The following KLHL29 variants were observed in gnomAD, a reference collection of about 807,000 sequenced individuals.
KLHL29 encodes kelch like family member 29.
In KLHL29, 21 loss-of-function variants were observed where a neutral mutation model predicts 80.4. The ratio of observed to expected loss-of-function variants is 0.26; its 90% CI spans 0.19 to 0.38. The LOEUF (loss-of-function observed/expected upper bound fraction) is 0.38, where lower values mean the gene tolerates loss of function less well. Ranked by LOEUF, KLHL29 falls within the 10% of genes least tolerant of loss-of-function variation. KLHL29 has a pLI of 1.00. For missense variants in KLHL29, 867 were observed against 1,223.9 expected (o/e 0.71, Z 4.35); for synonymous variants, 511 against 526.8 (o/e 0.97, Z 0.41).
intron 1 of KLHL29, among the ~76,000 whole-genome samples, chr2:23,403,012 A>G (rs1572484469): frequency 2.0e-5 from 3 of 150,290 alleles, no homozygotes; most frequent in Admixed American, 1.3e-4. Flanking sequence ...GTACTATACT[A>G]TATATATAGT....
rs572570213 is a variant in KLHL29 at position 23,580,968 on chromosome 2, C to T, written c.285+18487C>T. 2.6e-5 allele frequency among the ~76,000 whole-genome samples: 4 copies of T among 152,332 alleles called. No homozygotes were observed. In the East Asian group the frequency reaches 7.7e-4, roughly 29 times the overall value. On this transcript the variant is annotated intron_variant, in intron 3 of 13. Transcript: ENST00000486442. Reference sequence around the variant, plus strand: ...ACTCCAGCCTGGTGACACAGCAAGACTGTGTCTCAAAAAATTAAAAATAAA... The same window carrying T: ...ACTCCAGCCTGGTGACACAGCAAGATTGTGTCTCAAAAAATTAAAAATAAA...
chr2:23,459,926 C>T lies in KLHL29; in HGVS notation c.-153-15634C>T, dbSNP rs574377434. On this transcript the variant is annotated intron_variant, in intron 1 of 13. Transcript: ENST00000486442. Reference sequence around the variant, plus strand: ...GGAGGTGAGGAAGTTGACAGGAGGCCTAGGCAGCCTTTCCAGAAGTTTCAC... The same window carrying T: ...GGAGGTGAGGAAGTTGACAGGAGGCTTAGGCAGCCTTTCCAGAAGTTTCAC... 9.2e-5 allele frequency among the ~76,000 whole-genome samples: 14 copies of T among 152,270 alleles called. No individual in the cohort carries two copies. The South Asian group carries it at 2.9e-3, about 32-fold the overall frequency.
In KLHL29 at chr2:23,669,433, C is replaced by T. The variant is rs924249553; in HGVS notation, c.941-14966C>T. ...CACCCTCCTCTTCCAGGCTCCCACGCAGCCTCCGTTTCCCTTCCACACAGT... is the reference window on the plus strand; with the variant it reads ...CACCCTCCTCTTCCAGGCTCCCACGTAGCCTCCGTTTCCCTTCCACACAGT... On this transcript the variant is annotated intron_variant, in intron 5 of 13. Transcript: ENST00000486442. The surrounding 1 kb of genome is among the most constrained non-coding windows in gnomAD (Gnocchi z 4.3). 2 of 152,442 alleles carry T rather than the reference C, an allele frequency of 1.3e-5. No homozygotes were observed. Among genetic ancestry groups the T allele is most frequent in the Non-Finnish European group, 2.9e-5 (2 of 68,124 alleles). 9.4% of individuals were successfully genotyped at this position (152,442 alleles called of 1,614,324 possible). A position where few individuals can be genotyped will look rare whatever the true frequency, so the allele number is the denominator to read the frequency against.
intron 3 of KLHL29, among the ~76,000 whole-genome samples, chr2:23,577,610 TGGTGTTG>T (rs1667875515): frequency 6.6e-6 from 1 of 151,892 alleles, no homozygotes; most frequent in African/African-American, 2.4e-5. Context: ...TAGCTGGGCG[TGGTGTTG>T]GGCACCTGTA....
intron 4 of KLHL29, 41 bp from the exon 5 acceptor site, chr2:23,642,297 A>G (rs1298167699): frequency 3.6e-6 from 5 of 1,392,074 alleles, no homozygotes; most frequent in Non-Finnish European, 4.7e-6. Flanking sequence ...GTTGAATGAA[A>G]ATGTAACCGG....
At chr2:23,623,515 A>G (rs1039897670) in intron 3 of KLHL29, among the ~76,000 whole-genome samples, 9 of 152,124 alleles carry the variant, frequency 5.9e-5, no homozygotes, top group Non-Finnish European at 1.2e-4. Flanking sequence ...GATTTAGGAA[A>G]ATGTATCTGG....
In KLHL29 at chr2:23,695,479, TC is replaced by T; in HGVS notation, c.1543-143del. On this transcript the variant is annotated intron_variant, in intron 8 of 13. Coordinates refer to ENST00000486442, the MANE Select transcript of KLHL29 (RefSeq NM_052920.2). The surrounding 1 kb of genome is among the most constrained non-coding windows in gnomAD (Gnocchi z 7.6). The stretch of plus-strand genomic sequence containing the variant: ...CTGACTAGACTTCCCTTCACCTCTG[TC>T]TAGGCTAGCAGAGTATCTACACTCC... The T allele has an allele frequency of 1.5e-6, 1 of 653,708 alleles. No individual in the cohort carries two copies. The highest frequency in any genetic ancestry group is 2.6e-6 in the Non-Finnish European group (1 of 388,346). 40.5% of individuals were successfully genotyped at this position (653,708 alleles called of 1,614,324 possible).
intron 2 of KLHL29, among the ~76,000 whole-genome samples, chr2:23,537,417 TAC>T (rs5741924): frequency 0.023 from 3,449 of 148,918 alleles, 48 homozygotes; most frequent in Non-Finnish European, 0.031. Context: ...GGGCAGAAAC[TAC>T]ACACACACAC....
chr2:23,551,149 G>C (rs1667112428), intron 2 of KLHL29, among the ~76,000 whole-genome samples: 1 of 152,228 alleles, frequency 6.6e-6, no homozygotes, highest in South Asian at 2.1e-4. Flanking sequence ...CATCGATCCT[G>C]ATGTTTACAA....
intron 5 of KLHL29, among the ~76,000 whole-genome samples, chr2:23,679,733 G>T (rs1671023564): frequency 6.6e-6 from 1 of 152,232 alleles, no homozygotes; most frequent in African/African-American, 2.4e-5. Context: ...TATCGATAAA[G>T]AAGTGAGCAC....
chr2:23,499,326 A>C (rs1394745918), intron 2 of KLHL29, among the ~76,000 whole-genome samples: 4 of 152,072 alleles, frequency 2.6e-5, no homozygotes, highest in African/African-American at 9.7e-5. Context: ...CTGGAGAGGA[A>C]ATTGAGGGGC....
rs118187753 is a variant in KLHL29, at chr2:23,591,641, G to A, written c.285+29160G>A. 3.7e-4 allele frequency among the ~76,000 whole-genome samples: 56 copies of A among 152,210 alleles called. 1 individual carries two copies. In the East Asian group the frequency reaches 9.5e-3, roughly 26 times the overall value. Reference sequence around the variant, plus strand: ...CTGTCACTGCGTCTGCTCGGCCACCGTGCTGGCCAAGGTCCTCGCCCGGTC... The same window carrying A: ...CTGTCACTGCGTCTGCTCGGCCACCATGCTGGCCAAGGTCCTCGCCCGGTC... On this transcript the variant is annotated intron_variant, in intron 3 of 13. Transcript: ENST00000486442.
intron 2 of KLHL29, among the ~76,000 whole-genome samples, chr2:23,489,241 G>T (rs1665024981): frequency 6.6e-6 from 1 of 152,136 alleles, no homozygotes; most frequent in South Asian, 2.1e-4. Flanking sequence ...GGTGCTGAGT[G>T]ATGTGCTGGG....
chr2:23,566,920 C>G (rs956401374), intron 3 of KLHL29, among the ~76,000 whole-genome samples: 4 of 152,204 alleles, frequency 2.6e-5, no homozygotes, highest in African/African-American at 7.2e-5. Flanking sequence ...ACCTGTCCCC[C>G]CCTGGTGGTT....
chr2:23,551,357 T>C (rs1203938513), intron 2 of KLHL29, among the ~76,000 whole-genome samples: 1 of 151,888 alleles, frequency 6.6e-6, no homozygotes, highest in Non-Finnish European at 1.5e-5. Flanking sequence ...GAAAAAAAAA[T>C]CACTACATCA....
intron 5 of KLHL29, among the ~76,000 whole-genome samples, chr2:23,646,145 T>C (rs1050340785): frequency 1.3e-5 from 2 of 152,200 alleles, no homozygotes; most frequent in Non-Finnish European, 1.5e-5. Context: ...ATTTGAATCC[T>C]GTTATGAAGT....
At chr2:23,425,736 G>A (rs529040971) in intron 1 of KLHL29, among the ~76,000 whole-genome samples, 21 of 152,332 alleles carry the variant, frequency 1.4e-4, no homozygotes, top group Admixed American at 4.6e-4. Context: ...ACTGGGTGCA[G>A]GCGACATCAT....
At position 23,680,070 on chromosome 2, in the gene KLHL29, GGAT is replaced by G. The variant is rs1407821695; in HGVS notation, c.941-4327_941-4325del. 6.6e-6 allele frequency among the ~76,000 whole-genome samples: 1 copy of G among 152,194 alleles called. No homozygotes were observed. The highest frequency in any genetic ancestry group is 1.5e-5 in the Non-Finnish European group (1 of 68,030). On this transcript the variant is annotated intron_variant, in intron 5 of 13. Transcript: ENST00000486442. The surrounding 1 kb of genome is among the most constrained non-coding windows in gnomAD (Gnocchi z 4.1). ...GGATTTGTGTGGCCAGTGGCTGTGAGGATGCAGTGTGGAGGTGGCCTGGAGGGG... is the reference window on the plus strand; with the variant it reads ...GGATTTGTGTGGCCAGTGGCTGTGAGGCAGTGTGGAGGTGGCCTGGAGGGG...
At chr2:23,559,656 G>T (rs1027554279) in intron 2 of KLHL29, among the ~76,000 whole-genome samples, 1 of 152,100 alleles carries the variant, frequency 6.6e-6, no homozygotes. Flanking sequence ...GGAACATTGC[G>T]CTAATTTAGC....
Sources: allele counts gnomAD v4.1 joint callset (sites outside exome capture counted in the v4.1 genomes callset), GRCh38; gene constraint gnomAD v4.1.1; non-coding constraint Gnocchi (gnomAD v3.1); transcripts MANE v1.5; gene names NCBI Gene and HGNC (gene_info 2026-07-23, HGNC 2026-07-21).